MADD: variants seen among roughly 807,000 people sequenced by gnomAD.
MADD encodes MAP kinase activating death domain, also known as MAP kinase-activating death domain protein.
A neutral mutation model predicts 176.7 loss-of-function variants in MADD; 109 were observed. The observed-to-expected ratio is 0.62, with a 90% CI of 0.53 to 0.72. The LOEUF is 0.72. Among genes scored for constraint, MADD ranks in the 30% least tolerant of loss-of-function variants. The probability of loss-of-function intolerance (pLI) is 0.00; values close to 1 mark genes in which losing one functional copy is unlikely to be tolerated. For synonymous variants in MADD, 771 were observed against 771.3 expected, an observed-to-expected ratio of 1.00 and a Z score of 0.01; for missense variants, 1,914 against 2,045.5, an observed-to-expected ratio of 0.94 and a Z score of 1.24.
exon 19 of MADD, chr11:47,290,777 A>G: frequency 6.2e-7 from 1 of 1,613,436 alleles, no homozygotes; most frequent in Non-Finnish European, 8.5e-7. Context: ...GGAACTGGAC[A>G]CCAGAAGTTT....
chr11:47,316,042 G>C (rs1369670703), intron 27 of MADD, among the ~76,000 whole-genome samples: 3 of 151,882 alleles, frequency 2.0e-5, no homozygotes, highest in Non-Finnish European at 4.4e-5. Flanking sequence ...ATGTTCGTTG[G>C]CCAGGCTGGT....
chr11:47,288,932 G>A (rs1178054809), intron 15 of MADD, 36 bp from the exon 16 acceptor site: 1 of 1,495,826 alleles, frequency 6.7e-7, no homozygotes, highest in African/African-American at 1.4e-5. Context: ...TTGCGGTATT[G>A]TGGTACACCT....
chr11:47,317,660 A>G (rs1331035821), intron 27 of MADD, among the ~76,000 whole-genome samples: 2 of 152,128 alleles, frequency 1.3e-5, no homozygotes, highest in Non-Finnish European at 2.9e-5. Context: ...TCTCTTACAC[A>G]TCAGTGGGCT....
At position 47,284,159 on chromosome 11, in the gene MADD, T is replaced by A. The variant is rs1039365573; in HGVS notation, c.1863-19T>A. 3.8e-6 allele frequency: 6 copies of A among 1,562,858 alleles called. No individual in the cohort carries two copies. The highest frequency in any genetic ancestry group is 5.3e-6 in the Non-Finnish European group (6 of 1,133,440). ...GCCCCTTTCTGTTTTGTTTGTTTTT[T>A]ATGCACTTCACTCTGCAGTGGCAGT... is the stretch of plus-strand genomic sequence containing the variant. On this transcript the variant is annotated intron_variant, in intron 10 of 32. Coordinates refer to ENST00000402192, the Ensembl canonical transcript of MADD.
intron 26 of MADD, 113 bp from the exon 30 acceptor site, chr11:47,315,107 T>G: frequency 1.7e-6 from 1 of 597,778 alleles, no homozygotes; most frequent in Non-Finnish European, 3.1e-6. Flanking sequence ...GGCCAGCAGA[T>G]GAGACTGTGC....
chr11:47,300,159 C>T (rs1487785938), intron 22 of MADD, among the ~76,000 whole-genome samples: 1 of 149,812 alleles, frequency 6.7e-6, no homozygotes, highest in Non-Finnish European at 1.5e-5. Context: ...TTTTAGAATT[C>T]TGCATTGAAG....
At chr11:47,308,248 C>T (rs1291984537) in intron 22 of MADD, among the ~76,000 whole-genome samples, 3 of 152,208 alleles carry the variant, frequency 2.0e-5, no homozygotes, top group Non-Finnish European at 4.4e-5. Flanking sequence ...ATAAGAGGCA[C>T]GGATCTGAAC....
At chr11:47,299,527 C>T (rs2139789767) in intron 22 of MADD, among the ~76,000 whole-genome samples, 1 of 143,252 alleles carries the variant, frequency 7.0e-6, no homozygotes, top group South Asian at 2.2e-4. Context: ...GATTTTGTAT[C>T]CTGCAAGTTT....
chr11:47,292,718 A>G, intron 19 of MADD, 122 bp downstream of exon 21: 1 of 881,524 alleles, frequency 1.1e-6, no homozygotes, highest in Non-Finnish European at 1.9e-6. Flanking sequence ...CGTGTTTGGA[A>G]TGGCAGCAGG....
At chr11:47,298,688 A>C (rs1023948355) in intron 22 of MADD, among the ~76,000 whole-genome samples, 1 of 152,166 alleles carries the variant, frequency 6.6e-6, no homozygotes, top group African/African-American at 2.4e-5. Flanking sequence ...TTAGTTTAAT[A>C]TAATCCTGTT....
At chr11:47,323,644 A>C (rs1050622634) in intron 27 of MADD, 27 bp from the exon 31 acceptor site, 1 of 1,607,178 alleles carries the variant, frequency 6.2e-7, no homozygotes, top group Non-Finnish European at 8.5e-7. Context: ...GACAGGAACC[A>C]CTGAGCCGCT....
chr11:47,305,196 T>C (rs1196312772), intron 22 of MADD, among the ~76,000 whole-genome samples: 1 of 152,088 alleles, frequency 6.6e-6, no homozygotes, highest in Non-Finnish European at 1.5e-5. Context: ...CTGACTGACA[T>C]GGCCTACAAG....
At position 47,282,375 on chromosome 11, in the gene MADD, C is replaced by T; in HGVS notation, c.1470-6C>T. The T allele has an allele frequency of 5.0e-6, 8 of 1,612,990 alleles. No individual in the cohort carries two copies. The highest frequency in any genetic ancestry group is 6.8e-6 in the Non-Finnish European group (8 of 1,178,980). ...TCTCAGATTATCTCATCATCTGCTT[C>T]CCCAGGGTTGCCATGGTACGGTTCT... On this transcript the variant is annotated splice_polypyrimidine_tract_variant and splice_region_variant and intron_variant, in intron 8 of 32. Transcript: ENST00000402192.
In MADD at chr11:47,282,624, T is replaced by C. The variant is rs2057734733; in HGVS notation, c.1705+8T>C. Reference sequence around the variant, plus strand: ...TTCAGCGAATTCACAACAGTGAGTCTACCTGCCCTCTGCTCCGCTCTGCCT... The same window carrying C: ...TTCAGCGAATTCACAACAGTGAGTCCACCTGCCCTCTGCTCCGCTCTGCCT... On this transcript the variant is annotated splice_region_variant and intron_variant, in intron 9 of 32. Transcript: ENST00000402192. 1 of 1,613,246 alleles carries C rather than the reference T, an allele frequency of 6.2e-7. No homozygotes were observed. The highest frequency in any genetic ancestry group is 8.5e-7 in the Non-Finnish European group (1 of 1,179,232).
At chr11:47,328,461 A>C (rs1245627050) in intron 31 of MADD, 197 bp from the exon 36 acceptor site, 3 of 1,452,686 alleles carry the variant, frequency 2.1e-6, no homozygotes, top group Non-Finnish European at 2.7e-6. Context: ...GGCTAGGGCC[A>C]TGTCCTCCCA....
At chr11:47,273,831 C>G (rs2047258302) in exon 2 of MADD, 3 of 1,243,370 alleles carry the variant, frequency 2.4e-6, no homozygotes, top group Non-Finnish European at 3.5e-6. Flanking sequence ...TATTAGACTT[C>G]GATTTTCAGA....
chr11:47,320,806 T>C (rs2094338954), intron 27 of MADD, among the ~76,000 whole-genome samples: 1 of 151,732 alleles, frequency 6.6e-6, no homozygotes, highest in Non-Finnish European at 1.5e-5. Flanking sequence ...CCTATGGTCC[T>C]AGCTACTGGG....
chr11:47,285,820 C>T (rs532442999), intron 14 of MADD, among the ~76,000 whole-genome samples: 1 of 152,142 alleles, frequency 6.6e-6, no homozygotes, highest in African/African-American at 2.4e-5. Context: ...TCAGGTAAGA[C>T]AGCTGGATGG....
intron 19 of MADD, 118 bp from the exon 21 acceptor site, chr11:47,292,425 G>T: frequency 2.4e-6 from 2 of 838,950 alleles, no homozygotes; most frequent in Non-Finnish European, 2.1e-6. Flanking sequence ...TGTATCTCTT[G>T]GTTGGTAATC....
Sources: gnomAD v4.1 joint callset for allele counts (sites outside exome capture counted in the v4.1 genomes callset) on GRCh38, gnomAD v4.1.1 for gene constraint, MANE v1.5 for transcripts, NCBI Gene and HGNC (gene_info 2026-07-23, HGNC 2026-07-21) for gene names.